LRBA: variants seen among roughly 807,000 people sequenced by gnomAD.
The protein encoded by LRBA is lipopolysaccharide-responsive and beige-like anchor protein.
Under a neutral mutation model 330.0 loss-of-function variants are expected in LRBA, and 176 were observed. That is an observed-to-expected ratio of 0.53 (90% CI 0.47 to 0.60). The LOEUF is 0.60. LRBA is among the 20% of genes least tolerant of loss of function. The probability of loss-of-function intolerance (pLI) is 0.00; values close to 1 mark genes in which losing one functional copy is unlikely to be tolerated. For missense variants in LRBA, 3,259 were observed against 3,444.8 expected, an observed-to-expected ratio of 0.95 and a Z score of 1.35; for synonymous variants, 1,230 against 1,193.0, an observed-to-expected ratio of 1.03 and a Z score of -0.64.
At chr4:150,949,231 T>C (rs1736556820) in intron 2 of LRBA, among the ~76,000 whole-genome samples, 2 of 152,100 alleles carry the variant, frequency 1.3e-5, no homozygotes, top group Admixed American at 1.3e-4. Context: ...CAAACTGTAG[T>C]ACATCCATAC....
chr4:150,415,414 C>CA (rs758870577), intron 47 of LRBA, 24 bp downstream of exon 47: 11 of 1,606,886 alleles, frequency 6.8e-6, no homozygotes, highest in African/African-American at 2.7e-5. Flanking sequence ...TCATGACAGA[C>CA]AGAGTAGATG....
At chr4:150,303,891 T>A (rs1276497392) in intron 52 of LRBA, among the ~76,000 whole-genome samples, 2 of 152,156 alleles carry the variant, frequency 1.3e-5, no homozygotes, top group Non-Finnish European at 2.9e-5. Flanking sequence ...CCTTTAAGAA[T>A]CTTTGTTTAA....
Position 150,471,742 on chromosome 4 carries a change from G to C in LRBA, c.6552-3C>G. Reference sequence around the variant, plus strand: ...GTGGACTAGCTAATGAAATACGTCTGCAAGAAAAAGAATTCAATGTGATAT... The same window carrying C: ...GTGGACTAGCTAATGAAATACGTCTCCAAGAAAAAGAATTCAATGTGATAT... On this transcript the variant is annotated splice_region_variant and splice_polypyrimidine_tract_variant and intron_variant, in intron 42 of 56. Coordinates refer to ENST00000651943, the MANE Select transcript of LRBA (RefSeq NM_001364905.1). The C allele has an allele frequency of 7.5e-7, 1 of 1,329,916 alleles. No homozygotes were observed. The highest frequency in any genetic ancestry group is 1.2e-5 in the South Asian group (1 of 81,122). The allele number at this position is 1,329,916 out of a possible 1,614,324, so 82.4% of individuals were successfully genotyped here.
rs567624045 is a variant in LRBA, at chr4:150,477,278, A to C, written c.6552-5539T>G. On this transcript the variant is annotated intron_variant, in intron 42 of 56. Transcript: ENST00000651943. Reference sequence around the variant, plus strand: ...TGTGTCCCCACCCAAATATCATGTCAAATTGTGTATTAGTCCACTCTCACA... The same window carrying C: ...TGTGTCCCCACCCAAATATCATGTCCAATTGTGTATTAGTCCACTCTCACA... 1.0e-3 allele frequency among the ~76,000 whole-genome samples: 156 copies of C among 152,258 alleles called. 1 individual carries two copies. The highest frequency in any genetic ancestry group is 2.9e-3 in the African/African-American group (121 of 41,554).
At chr4:150,704,446 T>C (rs1353816011) in intron 36 of LRBA, among the ~76,000 whole-genome samples, 4 of 151,938 alleles carry the variant, frequency 2.6e-5, no homozygotes, top group Non-Finnish European at 4.4e-5. Context: ...CAAAAATTAA[T>C]GAATTAAAAC....
intron 34 of LRBA, among the ~76,000 whole-genome samples, chr4:150,796,285 C>T (rs1578808657): frequency 6.6e-6 from 1 of 151,966 alleles, no homozygotes; most frequent in African/African-American, 2.4e-5. Context: ...TTGTGATTGC[C>T]AAGTTGACCT....
intron 54 of LRBA, among the ~76,000 whole-genome samples, chr4:150,283,466 T>C (rs559856850): frequency 3.3e-5 from 5 of 152,322 alleles, no homozygotes; most frequent in East Asian, 3.9e-4. Flanking sequence ...TTCCAAGAGA[T>C]AGTCAGATAA....
At chr4:150,699,058 C>T (rs1784882750) in intron 36 of LRBA, among the ~76,000 whole-genome samples, 2 of 152,032 alleles carry the variant, frequency 1.3e-5, no homozygotes, top group Non-Finnish European at 1.5e-5. Flanking sequence ...TTGATGGTGC[C>T]GTTGTCACTC....
chr4:150,605,318 A>G (rs1483336782), intron 37 of LRBA, among the ~76,000 whole-genome samples: 1 of 152,206 alleles, frequency 6.6e-6, no homozygotes, highest in Non-Finnish European at 1.5e-5. Context: ...TATGAGTTTT[A>G]AAAAGAAAAC....
intron 2 of LRBA, among the ~76,000 whole-genome samples, chr4:150,970,990 CA>C (rs1037913631): frequency 6.6e-6 from 1 of 152,088 alleles, no homozygotes; most frequent in African/African-American, 2.4e-5. Flanking sequence ...ATCATAAGCC[CA>C]AGAACTGACA....
intron 34 of LRBA, among the ~76,000 whole-genome samples, chr4:150,781,047 T>C (rs1738153435): frequency 2.0e-5 from 3 of 151,830 alleles, no homozygotes; most frequent in South Asian, 4.2e-4. Flanking sequence ...GCCTGGCTAA[T>C]TTTTTGTATT....
At chr4:150,582,987 G>T in intron 40 of LRBA, 1 of 1,536,560 alleles carries the variant, frequency 6.5e-7, no homozygotes, top group South Asian at 1.3e-5. Flanking sequence ...ATCCCTCAAC[G>T]TATTGCGAGA....
intron 40 of LRBA, among the ~76,000 whole-genome samples, chr4:150,518,627 T>C (rs1762611749): frequency 6.6e-6 from 1 of 152,184 alleles, no homozygotes; most frequent in Non-Finnish European, 1.5e-5. Context: ...TTCCTTCTCA[T>C]TGTCCTTAAA....
At chr4:150,424,886 T>G (rs1719071803) in intron 46 of LRBA, among the ~76,000 whole-genome samples, 1 of 152,234 alleles carries the variant, frequency 6.6e-6, no homozygotes, top group African/African-American at 2.4e-5. Flanking sequence ...TATATTGCAG[T>G]CTCATCACAA....
chr4:150,688,932 C>T (rs900862172), intron 36 of LRBA, among the ~76,000 whole-genome samples: 2 of 152,094 alleles, frequency 1.3e-5, no homozygotes, highest in African/African-American at 4.8e-5. Flanking sequence ...CTAGAAATAC[C>T]ATTTGACCCA....
chr4:150,364,134 C>A (rs1581119973), intron 47 of LRBA, among the ~76,000 whole-genome samples: 1 of 152,086 alleles, frequency 6.6e-6, no homozygotes, highest in East Asian at 1.9e-4. Flanking sequence ...CAAATGATAT[C>A]CCTAATACAC....
At position 150,699,459 on chromosome 4, in the gene LRBA, G is replaced by A. The variant is rs1784927798; in HGVS notation, c.5755-15742C>T. ...GCCTGGAAAAGTTGTTTGTAAGATG[G>A]GAAGAGGTATTCTCCAGAGCTCTGA... is the stretch of plus-strand genomic sequence containing the variant. On this transcript the variant is annotated intron_variant, in intron 36 of 56. Transcript: ENST00000651943. Among the ~76,000 whole-genome samples, 2 of 152,244 alleles carry A rather than the reference G, an allele frequency of 1.3e-5. 1 individual carries two copies. The highest frequency in any genetic ancestry group is 4.8e-5 in the African/African-American group (2 of 41,538).
intron 2 of LRBA, among the ~76,000 whole-genome samples, chr4:150,992,499 TGTGTTTTAGAAAGATAA>T (rs1335553877): frequency 1.3e-5 from 2 of 152,152 alleles, no homozygotes; most frequent in Non-Finnish European, 2.9e-5. Flanking sequence ...TGATAAGATT[TGTGTTTTAGAAAGATAA>T]GTATAAATAT....
At chr4:150,441,430 A>T (rs1233771576) in intron 44 of LRBA, among the ~76,000 whole-genome samples, 1 of 152,130 alleles carries the variant, frequency 6.6e-6, no homozygotes, top group Admixed American at 6.5e-5. Context: ...GCAACTTATA[A>T]TCACCTCCTA....
Sources: allele counts gnomAD v4.1 joint callset (sites outside exome capture counted in the v4.1 genomes callset), GRCh38; gene constraint gnomAD v4.1.1; transcripts MANE v1.5; gene names NCBI Gene and HGNC (gene_info 2026-07-23, HGNC 2026-07-21).